Variants in CCDC91 observed in about 807,000 individuals in gnomAD.
The protein encoded by CCDC91 is coiled-coil domain containing 91.
In CCDC91, 48 loss-of-function variants were observed where a neutral mutation model predicts 63.2. The ratio of observed to expected loss-of-function variants is 0.76; its 90% confidence interval spans 0.60 to 0.97. The LOEUF (loss-of-function observed/expected upper bound fraction) is 0.97, where lower values mean the gene tolerates loss of function less well. CCDC91 is among the 50% of genes least tolerant of loss of function. The pLI, the probability that CCDC91 is intolerant of heterozygous loss-of-function variation, is 0.00. For missense variants in CCDC91, 500 were observed against 494.6 expected (o/e 1.01, Z -0.10); for synonymous variants, 167 against 165.8 (o/e 1.01, Z -0.06).
In CCDC91 at chr12:28,355,128, C is replaced by T. The variant is rs80163455; in HGVS notation, c.577-7310C>T. 9.2e-3 allele frequency among the ~76,000 whole-genome samples: 1,401 copies of T among 151,628 alleles called. 27 individuals are homozygous for T. The highest frequency in any genetic ancestry group is 0.032 in the African/African-American group (1,331 of 41,352). On this transcript the variant is annotated intron_variant, in intron 6 of 12. Transcript: ENST00000536442. ...CCTTCTATTTTTTTTTCCTCCTGTG[C>T]TTGGCCTGAGTTAGTTTTGAGCATC...
At chr12:28,278,743 T>G (rs1948408756) in intron 3 of CCDC91, among the ~76,000 whole-genome samples, 2 of 152,090 alleles carry the variant, frequency 1.3e-5, no homozygotes, top group Admixed American at 1.3e-4. Flanking sequence ...TGCTGTTCTC[T>G]TTGCCTGGAA....
At chr12:28,289,597 A>C (rs1035864655) in intron 3 of CCDC91, among the ~76,000 whole-genome samples, 6 of 149,068 alleles carry the variant, frequency 4.0e-5, no homozygotes, top group Non-Finnish European at 8.9e-5. Context: ...TTTATGTTTG[A>C]TTGTGTGGTC....
At chr12:28,489,164 C>T (rs569175002) in intron 12 of CCDC91, among the ~76,000 whole-genome samples, 12 of 151,766 alleles carry the variant, frequency 7.9e-5, no homozygotes, top group Non-Finnish European at 1.6e-4. Flanking sequence ...TCTTTTCAGC[C>T]CTTTAAAATT....
chr12:28,244,407 A>G (rs1945563501), intron 1 of CCDC91, among the ~76,000 whole-genome samples: 1 of 151,908 alleles, frequency 6.6e-6, no homozygotes, highest in African/African-American at 2.4e-5. Context: ...TTGCTGTATA[A>G]CAAATCCAAA....
chr12:28,524,820 G>T (rs1256951280), intron 12 of CCDC91, among the ~76,000 whole-genome samples: 1 of 135,726 alleles, frequency 7.4e-6, no homozygotes, highest in African/African-American at 2.8e-5. Flanking sequence ...CTTGATTTAA[G>T]ATAGGAGTGT....
chr12:28,312,873 T>C (rs1297752281), intron 6 of CCDC91, among the ~76,000 whole-genome samples: 3 of 152,068 alleles, frequency 2.0e-5, no homozygotes, highest in African/African-American at 7.2e-5. Flanking sequence ...TGCCTTTCAC[T>C]TTCCGTCATG....
chr12:28,252,487 G>C (rs1946188684), intron 1 of CCDC91, among the ~76,000 whole-genome samples: 1 of 151,564 alleles, frequency 6.6e-6, no homozygotes, highest in Non-Finnish European at 1.5e-5. Flanking sequence ...TTTTTTAAAA[G>C]AAAATTTCCT....
intron 8 of CCDC91, chr12:28,413,086 C>G (rs1269558998): frequency 5.5e-6 from 1 of 180,872 alleles, no homozygotes; most frequent in Non-Finnish European, 1.2e-5. Flanking sequence ...AAGTCCTTTT[C>G]CATTGTTTTC....
Position 28,292,623 on chromosome 12 carries a change from GT to G in CCDC91, c.110-13015del, listed in dbSNP as rs562298730. Among the ~76,000 whole-genome samples the G allele has an allele frequency of 2.0e-4, 29 of 147,264 alleles. 1 individual carries two copies. The highest frequency in any genetic ancestry group is 3.5e-3 in the Middle Eastern group (1 of 284). On this transcript the variant is annotated intron_variant, in intron 3 of 12. Coordinates refer to ENST00000536442, the MANE Select transcript of CCDC91 (RefSeq NM_018318.5). ...AAGTATATGTTGGTGTGATGACTAA[GT>G]TTTTTTTTTTAATAAATAGTATTTT...
intron 11 of CCDC91, among the ~76,000 whole-genome samples, chr12:28,456,133 G>T (rs1413113654): frequency 3.3e-5 from 5 of 152,084 alleles, no homozygotes; most frequent in African/African-American, 4.8e-5. Context: ...CTTTAAGAAG[G>T]TGTTATTTTT....
In CCDC91 at chr12:28,360,444, G is replaced by GCAGTGC. The variant is rs537751099; in HGVS notation, c.577-1989_577-1984dup. Among the ~76,000 whole-genome samples the GCAGTGC allele has an allele frequency of 6.6e-5, 10 of 152,230 alleles. No individual in the cohort carries two copies. In the South Asian group the frequency reaches 2.1e-3, roughly 32 times the overall value. The stretch of plus-strand genomic sequence containing the variant: ...CACGGTGGGTCACAGGCTGGCAGAG[G>GCAGTGC]CAGTGCCAGTTGCAGCACGTGTCTT... On this transcript the variant is annotated intron_variant, in intron 6 of 12. Coordinates refer to ENST00000536442, the MANE Select transcript of CCDC91 (RefSeq NM_018318.5).
chr12:28,191,035 TTTGCC>T (rs1242692903), intron 1 of CCDC91, among the ~76,000 whole-genome samples: 8 of 152,246 alleles, frequency 5.3e-5, no homozygotes, highest in Admixed American at 2.6e-4. Flanking sequence ...CCCCTTTTAC[TTTGCC>T]AAGTACATTG....
chr12:28,485,167 GT>G (rs568632516), intron 12 of CCDC91, among the ~76,000 whole-genome samples: 4 of 144,746 alleles, frequency 2.8e-5, no homozygotes, highest in African/African-American at 7.6e-5. Context: ...TTTTTTTTTT[GT>G]TTTTTTTTGA....
At chr12:28,452,287 T>C (rs1025286024) in intron 10 of CCDC91, among the ~76,000 whole-genome samples, 191 bp from the exon 11 acceptor site, 2 of 151,540 alleles carry the variant, frequency 1.3e-5, no homozygotes, top group Non-Finnish European at 3.0e-5. Context: ...GGAAATTAAG[T>C]AGGAATATTT....
chr12:28,387,572 A>G (rs1280241013), intron 7 of CCDC91, among the ~76,000 whole-genome samples: 1 of 151,622 alleles, frequency 6.6e-6, no homozygotes, highest in Non-Finnish European at 1.5e-5. Context: ...CCCAAAATCC[A>G]CTGTGTCATT....
intron 11 of CCDC91, among the ~76,000 whole-genome samples, chr12:28,477,681 T>C (rs1951185762): frequency 6.6e-6 from 1 of 152,186 alleles, no homozygotes; most frequent in African/African-American, 2.4e-5. Flanking sequence ...TTATCCCTGT[T>C]TGCAGATGAC....
intron 12 of CCDC91, among the ~76,000 whole-genome samples, chr12:28,508,184 A>T (rs1212076664): frequency 2.0e-5 from 3 of 151,852 alleles, no homozygotes; most frequent in East Asian, 3.9e-4. Flanking sequence ...TCTATATAAT[A>T]AGTTCTTGTA....
chr12:28,323,536 C>A (rs1190012789), intron 6 of CCDC91, among the ~76,000 whole-genome samples: 2 of 151,806 alleles, frequency 1.3e-5, no homozygotes, highest in Non-Finnish European at 2.9e-5. Flanking sequence ...TGTTTTATTG[C>A]ACATTTAGAG....
intron 8 of CCDC91, among the ~76,000 whole-genome samples, chr12:28,424,422 C>G (rs1172093317): frequency 6.6e-6 from 1 of 152,108 alleles, no homozygotes; most frequent in Admixed American, 6.6e-5. Flanking sequence ...ACAGTCCTAC[C>G]AGCAATGCAC....
Sources: gnomAD v4.1 joint callset for allele counts (sites outside exome capture counted in the v4.1 genomes callset) on GRCh38, gnomAD v4.1.1 for gene constraint, MANE v1.5 for transcripts, NCBI Gene and HGNC (gene_info 2026-07-23, HGNC 2026-07-21) for gene names.